Variants in ACOT7 observed in about 807,000 individuals in gnomAD.
ACOT7 encodes cytosolic acyl coenzyme A thioester hydrolase.
A neutral mutation model predicts 40.2 loss-of-function variants in ACOT7; 12 were observed. The observed-to-expected ratio is 0.30, with a 90% CI of 0.19 to 0.48. The LOEUF is 0.48. Ranked by LOEUF, ACOT7 falls within the 20% of genes least tolerant of loss-of-function variation. The pLI is 0.99. For synonymous variants in ACOT7, 228 were observed against 219.5 expected, an observed-to-expected ratio of 1.04 and a Z score of -0.34; for missense variants, 395 against 530.8, an observed-to-expected ratio of 0.74 and a Z score of 2.51.
chr1:6,370,222 T>C lies in ACOT7; in HGVS notation c.144-20356A>G, dbSNP rs997148214. On this transcript the variant is annotated intron_variant, in intron 1 of 8. Coordinates refer to ENST00000361521, the MANE Select transcript of ACOT7 (RefSeq NM_007274.4). Reference sequence around the variant, plus strand: ...GCTTCCCTTCCCCTTCTGCTGTAAGTAGAAGTGGCCTGAGTCCCTCGCCAG... The same window carrying C: ...GCTTCCCTTCCCCTTCTGCTGTAAGCAGAAGTGGCCTGAGTCCCTCGCCAG... Among the ~76,000 whole-genome samples, 4 of 152,096 alleles carry C rather than the reference T, an allele frequency of 2.6e-5. No individual in the cohort carries two copies. In the South Asian group the frequency reaches 6.2e-4, roughly 24 times the overall value.
intron 8 of ACOT7, among the ~76,000 whole-genome samples, chr1:6,269,800 G>C (rs1332744543): frequency 6.6e-6 from 1 of 152,250 alleles, no homozygotes; most frequent in Non-Finnish European, 1.5e-5. Flanking sequence ...GTATCTGCTG[G>C]ATGTTCCAGG....
chr1:6,357,426 T>G (rs1425123028), intron 1 of ACOT7, among the ~76,000 whole-genome samples: 1 of 152,120 alleles, frequency 6.6e-6, no homozygotes, highest in African/African-American at 2.4e-5. Context: ...GGCAGGCGGC[T>G]CATTACTGCC....
intron 7 of ACOT7, among the ~76,000 whole-genome samples, chr1:6,292,667 T>G (rs961249309): frequency 3.6e-5 from 5 of 140,608 alleles, no homozygotes; most frequent in African/African-American, 9.0e-5. Flanking sequence ...GGGACTTTGT[T>G]TTTTTTTTGT....
chr1:6,274,312 C>T lies in ACOT7; in HGVS notation c.1014+6790G>A, dbSNP rs1571259643. On this transcript the variant is annotated intron_variant, in intron 8 of 8. Transcript: ENST00000361521. The surrounding 1 kb of genome is among the most constrained non-coding windows in gnomAD (Gnocchi z 5.9). ...TCTCCAGCCTGCTCTGTCTGCAGCC[C>T]CCACATCAGTGCGTCACAAAGCTGT... Among the ~76,000 whole-genome samples the T allele has an allele frequency of 6.6e-6, 1 of 152,250 alleles. No individual in the cohort carries two copies. Among genetic ancestry groups the T allele is most frequent in the East Asian group, 1.9e-4 (1 of 5,206 alleles).
intron 7 of ACOT7, among the ~76,000 whole-genome samples, chr1:6,290,025 C>G (rs1639619412): frequency 6.6e-6 from 1 of 152,076 alleles, no homozygotes; most frequent in Non-Finnish European, 1.5e-5. Context: ...TTCTGGGGTA[C>G]CCGGGTGGGC....
chr1:6,310,525 T>C (rs72854351), intron 6 of ACOT7, among the ~76,000 whole-genome samples: 13,972 of 152,158 alleles, frequency 0.092, 1,973 homozygotes, highest in African/African-American at 0.3. Flanking sequence ...TCCAGGGACA[T>C]GGGTGGGAGA....
In ACOT7 at chr1:6,359,573, C is replaced by T. The variant is rs1023908855; in HGVS notation, c.144-9707G>A. ...CGGGCTCTTAGGCTGCCGGCTGCCACCTGTGGGCCCTGTGCCCCCCAACCC... is the reference window on the plus strand; with the variant it reads ...CGGGCTCTTAGGCTGCCGGCTGCCATCTGTGGGCCCTGTGCCCCCCAACCC... On this transcript the variant is annotated intron_variant, in intron 1 of 8. Coordinates refer to ENST00000361521, the MANE Select transcript of ACOT7 (RefSeq NM_007274.4). This position sits in a 1 kb window ranked among gnomAD's most constrained non-coding sequence, Gnocchi z 4.1. 2.0e-5 allele frequency among the ~76,000 whole-genome samples: 3 copies of T among 152,164 alleles called. No individual in the cohort carries two copies. Among genetic ancestry groups the T allele is most frequent in the African/African-American group, 4.8e-5 (2 of 41,434 alleles).
Position 6,275,439 on chromosome 1 carries a change from T to A in ACOT7, c.1014+5663A>T, listed in dbSNP as rs1218344559. 1.3e-5 allele frequency among the ~76,000 whole-genome samples: 2 copies of A among 152,086 alleles called. No individual in the cohort carries two copies. The highest frequency in any genetic ancestry group is 2.9e-5 in the Non-Finnish European group (2 of 67,998). ...GCAGCTCTGAAAGGCAAGGTAAAGA[T>A]GGCCACAGCTAGGCCAGGCGCGGTA... On this transcript the variant is annotated intron_variant, in intron 8 of 8. Coordinates refer to ENST00000361521, the MANE Select transcript of ACOT7 (RefSeq NM_007274.4). The surrounding 1 kb of genome is among the most constrained non-coding windows in gnomAD (Gnocchi z 5.6).
chr1:6,373,322 C>A (rs1194082452), intron 1 of ACOT7, among the ~76,000 whole-genome samples: 3 of 152,118 alleles, frequency 2.0e-5, no homozygotes, highest in Admixed American at 2.0e-4. Context: ...ATGATCCCAG[C>A]TCACTGCAAC....
intron 6 of ACOT7, among the ~76,000 whole-genome samples, chr1:6,297,059 C>T (rs561492558): frequency 5.3e-5 from 8 of 150,798 alleles, no homozygotes; most frequent in African/African-American, 1.2e-4. Context: ...TTTTTTTTGA[C>T]GCGGAGTCTC....
intron 8 of ACOT7, among the ~76,000 whole-genome samples, chr1:6,266,227 C>T (rs933104708): frequency 1.3e-5 from 2 of 152,112 alleles, no homozygotes; most frequent in Non-Finnish European, 2.9e-5. Flanking sequence ...TGAAACAGTC[C>T]AGGGAAAATG....
chr1:6,322,086 C>A (rs1571305763), intron 5 of ACOT7, among the ~76,000 whole-genome samples: 3 of 152,308 alleles, frequency 2.0e-5, no homozygotes, highest in African/African-American at 4.8e-5. Flanking sequence ...ACAGGTCGTG[C>A]GAACTGGCTG....
chr1:6,330,169 C>T lies in ACOT7; in HGVS notation c.511-2756G>A, dbSNP rs1328794824. On this transcript the variant is annotated intron_variant, in intron 4 of 8. Transcript: ENST00000361521. This position sits in a 1 kb window ranked among gnomAD's most constrained non-coding sequence, Gnocchi z 4.6. The stretch of plus-strand genomic sequence containing the variant: ...ATATATATCTGTATATCTATACATA[C>T]AGGGACGTACATTTTCCTAAATCGG... Among the ~76,000 whole-genome samples the T allele has an allele frequency of 1.3e-5, 2 of 152,130 alleles. No individual in the cohort carries two copies. The highest frequency in any genetic ancestry group is 4.8e-5 in the African/African-American group (2 of 41,426).
chr1:6,269,557 C>T (rs773432748), intron 8 of ACOT7, among the ~76,000 whole-genome samples: 11 of 152,266 alleles, frequency 7.2e-5, no homozygotes, highest in Admixed American at 1.3e-4. Context: ...GAGGCGGGCA[C>T]GAGCCCAGGT....
At chr1:6,329,115 A>C (rs564703124) in intron 4 of ACOT7, among the ~76,000 whole-genome samples, 2 of 152,406 alleles carry the variant, frequency 1.3e-5, no homozygotes, top group South Asian at 4.1e-4. Flanking sequence ...AGTTCACTTC[A>C]GACGGCTGTG....
At chr1:6,304,317 CAAA>C (rs112875652) in intron 6 of ACOT7, among the ~76,000 whole-genome samples, 34 of 110,908 alleles carry the variant, frequency 3.1e-4, no homozygotes, top group East Asian at 9.3e-4. Context: ...AATGTGGCAC[CAAA>C]AAAAAAAAAA....
intron 1 of ACOT7, among the ~76,000 whole-genome samples, chr1:6,378,373 G>C (rs560215227): frequency 6.6e-6 from 1 of 151,886 alleles, no homozygotes; most frequent in Non-Finnish European, 1.5e-5. Flanking sequence ...CACAGACCAC[G>C]GGCCTTCCCA....
At chr1:6,365,932 T>C (rs1298851735) in intron 1 of ACOT7, among the ~76,000 whole-genome samples, 1 of 151,678 alleles carries the variant, frequency 6.6e-6, no homozygotes, top group East Asian at 2.0e-4. Flanking sequence ...TCTCATTCTA[T>C]AGCCCAGGCT....
intron 2 of ACOT7, among the ~76,000 whole-genome samples, chr1:6,343,065 G>A (rs1032935339): frequency 1.3e-5 from 2 of 152,216 alleles, no homozygotes; most frequent in Non-Finnish European, 2.9e-5. Context: ...AGGCTTCCCA[G>A]GGCGGGCAGG....
Sources: gnomAD v4.1 joint callset for allele counts (sites outside exome capture counted in the v4.1 genomes callset) on GRCh38, gnomAD v4.1.1 for gene constraint, Gnocchi (gnomAD v3.1) non-coding constraint, MANE v1.5 for transcripts, NCBI Gene and HGNC (gene_info 2026-07-23, HGNC 2026-07-21) for gene names.